The following DMRTA2 variants were observed in gnomAD, a reference collection of about 807,000 sequenced individuals.
DMRTA2 encodes the protein doublesex- and mab-3-related transcription factor A2.
Under a neutral mutation model 29.7 loss-of-function variants are expected in DMRTA2, and 10 were observed. That is an observed-to-expected ratio of 0.34 (90% confidence interval 0.21 to 0.57). DMRTA2 has a LOEUF of 0.57. Ranked by LOEUF, DMRTA2 falls within the 20% of genes least tolerant of loss-of-function variation. DMRTA2 has a pLI of 0.87. For missense variants in DMRTA2, 783 were observed against 812.1 expected (o/e 0.96, Z 0.44); for synonymous variants, 469 against 402.6 (o/e 1.16, Z -1.97).
Position 50,420,636 on chromosome 1 carries a change from C to A in DMRTA2, c.559+342G>T, listed in dbSNP as rs1425249380. 6.6e-6 allele frequency among the ~76,000 whole-genome samples: 1 copy of A among 151,992 alleles called. No individual in the cohort carries two copies. Among genetic ancestry groups the A allele is most frequent in the Non-Finnish European group, 1.5e-5 (1 of 68,010 alleles). ...CAGAGGGAAAGGGCCTGTGGAGAAGCGCAGAGCGAACGAAGATGCGCAGGT... is the reference window on the plus strand; with the variant it reads ...CAGAGGGAAAGGGCCTGTGGAGAAGAGCAGAGCGAACGAAGATGCGCAGGT... On this transcript the variant is annotated intron_variant, in intron 2 of 2. Coordinates refer to ENST00000404795, the MANE Select transcript of DMRTA2 (RefSeq NM_032110.3). The surrounding 1 kb of genome is among the most constrained non-coding windows in gnomAD (Gnocchi z 4.1).
Position 50,418,900 on chromosome 1 carries a change from G to C in DMRTA2, c.1394C>G (p.Pro465Arg). 6.9e-7 allele frequency: 1 copy of C among 1,457,184 alleles called. No individual in the cohort carries two copies. Among genetic ancestry groups the C allele is most frequent in the Non-Finnish European group, 9.0e-7 (1 of 1,111,802 alleles). 90.3% of individuals were successfully genotyped at this position (1,457,184 alleles called of 1,614,324 possible). A position where few individuals can be genotyped will look rare whatever the true frequency, so the allele number is the denominator to read the frequency against. ...CGCCGCGGAGTAGGCCAGGCGCAGG[G>C]GGCTGAGGCCGAGCGGCGCGCCCAG... ...YPLGAPLGLS[P>R]LRLAYSAAAA... is the part of the protein sequence containing the mutation. The change falls in exon 3 of 3, where the codon CCC (proline) becomes CGC (arginine). Residue 465 changes from proline (P) to arginine (R), a missense_variant. Transcript: ENST00000404795.
rs775970685 is a variant in DMRTA2, at chr1:50,418,841, G to A, written c.1453C>T (p.Pro485Ser). The change falls in exon 3 of 3, where the codon CCC becomes TCC. Residue 485 changes from proline (P) to serine (S), a missense_variant. By Grantham distance (74) the Pro-to-Ser change is moderately conservative (BLOSUM62 -1). Transcript: ENST00000404795. Reference sequence around the variant, plus strand: ...GGCACCAAGCCGGCAGTGGAGTAGGGCGCCATGAAGGCCAGACCGCGGCTG... The same window carrying A: ...GGCACCAAGCCGGCAGTGGAGTAGGACGCCATGAAGGCCAGACCGCGGCTG... ...AHSRGLAFMA[P>S]YSTAGLVPTL... 1.9e-6 allele frequency: 3 copies of A among 1,576,828 alleles called. No individual in the cohort carries two copies. Among genetic ancestry groups the A allele is most frequent in the Non-Finnish European group, 2.6e-6 (3 of 1,165,210 alleles).
At position 50,420,962 on chromosome 1, in the gene DMRTA2, C is replaced by T; in HGVS notation, c.559+16G>A. On this transcript the variant is annotated intron_variant, in intron 2 of 2. Coordinates refer to ENST00000404795, the MANE Select transcript of DMRTA2 (RefSeq NM_032110.3). This position sits in a 1 kb window ranked among gnomAD's most constrained non-coding sequence, Gnocchi z 4.1. ...CGATCCTGCTGCCCCTACCTGCGGC[C>T]TGGCCGCGCTCTCACCTGAGCCCCC... 3 of 1,444,446 alleles carry T rather than the reference C, an allele frequency of 2.1e-6. No homozygotes were observed. The highest frequency in any genetic ancestry group is 2.7e-6 in the Non-Finnish European group (3 of 1,108,656). 89.5% of individuals were successfully genotyped at this position (1,444,446 alleles called of 1,614,324 possible). A position where few individuals can be genotyped will look rare whatever the true frequency, so the allele number is the denominator to read the frequency against.
Position 50,419,802 on chromosome 1 carries a change from CT to C in DMRTA2, c.560-69del. Reference sequence around the variant, plus strand: ...AGACAGCAGTCACAGCACCTCGGCCCTTTGGATCTCAGTTTCCTCTCCCTCA... The same window carrying C: ...AGACAGCAGTCACAGCACCTCGGCCCTTGGATCTCAGTTTCCTCTCCCTCA... On this transcript the variant is annotated intron_variant, in intron 2 of 2. Transcript: ENST00000404795. This position sits in a 1 kb window ranked among gnomAD's most constrained non-coding sequence, Gnocchi z 6.1. 1 of 1,319,572 alleles carries C rather than the reference CT, an allele frequency of 7.6e-7. No homozygotes were observed. Among genetic ancestry groups the C allele is most frequent in the African/African-American group, 1.6e-5 (1 of 64,082 alleles). 81.7% of individuals were successfully genotyped at this position (1,319,572 alleles called of 1,614,324 possible). A position where few individuals can be genotyped will look rare whatever the true frequency, so the allele number is the denominator to read the frequency against.
Position 50,417,588 on chromosome 1 carries a change from T to C in DMRTA2, c.*1077A>G, listed in dbSNP as rs1046310985. On this transcript the variant is annotated 3_prime_UTR_variant, in exon 3 of 3. Transcript: ENST00000404795. Reference sequence around the variant, plus strand: ...AAATAACATTTATTTCTAGCTCATATCTATGCAAAGGAAAGCACAAAGTGC... The same window carrying C: ...AAATAACATTTATTTCTAGCTCATACCTATGCAAAGGAAAGCACAAAGTGC... 2.6e-5 allele frequency: 4 copies of C among 151,804 alleles called. No homozygotes were observed. The highest frequency in any genetic ancestry group is 9.7e-5 in the African/African-American group (4 of 41,346). 9.4% of individuals were successfully genotyped at this position (151,804 alleles called of 1,614,324 possible).
chr1:50,422,948 G>A lies in DMRTA2; in HGVS notation c.-9+168C>T, dbSNP rs1029395638. On this transcript the variant is annotated intron_variant, in intron 1 of 2. Coordinates refer to ENST00000404795, the MANE Select transcript of DMRTA2 (RefSeq NM_032110.3). This position sits in a 1 kb window ranked among gnomAD's most constrained non-coding sequence, Gnocchi z 5.7. ...CCCGTCCCTGCCAGAGCCCGCGACA[G>A]AGTCCTTGTGTCTCCGTCCGAGAGT... Among the ~76,000 whole-genome samples, 5 of 152,208 alleles carry A rather than the reference G, an allele frequency of 3.3e-5. No homozygotes were observed. Among genetic ancestry groups the A allele is most frequent in the East Asian group, 1.9e-4 (1 of 5,176 alleles).
Position 50,419,601 on chromosome 1 carries a change from TG to T in DMRTA2, c.692del (p.Pro231GlnfsTer22). 6.5e-7 allele frequency: 1 copy of T among 1,541,338 alleles called. No individual in the cohort carries two copies. Among genetic ancestry groups the T allele is most frequent in the African/African-American group, 1.4e-5 (1 of 70,888 alleles). On this transcript the variant is annotated frameshift_variant, in exon 3 of 3. Coordinates refer to ENST00000404795, the MANE Select transcript of DMRTA2 (RefSeq NM_032110.3). LOFTEE classifies it high-confidence loss of function. This position sits in a 1 kb window ranked among gnomAD's most constrained non-coding sequence, Gnocchi z 6.1. ...GADSGPGTSS[P>X]EVRPGSGSEN... ...CCGAGCCTGAGCCGGGCCGCACCTC[TG>T]GGGACGACGTCCCGGGCCCCGAGTC...
In DMRTA2 at chr1:50,421,443, C is replaced by G. The variant is rs1413939887; in HGVS notation, c.94G>C (p.Val32Leu). The G allele has an allele frequency of 7.6e-7, 1 of 1,323,614 alleles. No homozygotes were observed. The highest frequency in any genetic ancestry group is 9.6e-7 in the Non-Finnish European group (1 of 1,042,062). The allele number at this position is 1,323,614 out of a possible 1,614,324, so 82.0% of individuals were successfully genotyped here. A position where few individuals can be genotyped will look rare whatever the true frequency, so the allele number is the denominator to read the frequency against. ...TGPPVASVASVAAAAAAAASL... is the reference protein window; with the variant it reads ...TGPPVASVASLAAAAAAAASL... ...GCAGCGGCCGCCGCGGCTGCCGCCACCGACGCCACCGACGCCACAGGCGGC... is the reference window on the plus strand; with the variant it reads ...GCAGCGGCCGCCGCGGCTGCCGCCAGCGACGCCACCGACGCCACAGGCGGC... Residue 32 changes from valine (V) to leucine (L), a missense_variant, in exon 2 of 3, where the codon GTG becomes CTG. By Grantham distance (32) the Val-to-Leu change is conservative. Transcript: ENST00000404795. The surrounding 1 kb of genome is among the most constrained non-coding windows in gnomAD (Gnocchi z 8.7).
Position 50,418,938 on chromosome 1 carries a change from C to A in DMRTA2, c.1356G>T (p.Ala452=), listed in dbSNP as rs955313924. 2.1e-6 allele frequency: 3 copies of A among 1,438,186 alleles called. No homozygotes were observed. Among genetic ancestry groups the A allele is most frequent in the Admixed American group, 3.2e-5 (1 of 31,202 alleles). The allele number at this position is 1,438,186 out of a possible 1,614,324, so 89.1% of individuals were successfully genotyped here. A position where few individuals can be genotyped will look rare whatever the true frequency, so the allele number is the denominator to read the frequency against. ...GCGGCGCGCCCAGCGGGTAGGCGCC[C>A]GCGTCGGCACCGAAGTGACTGGCGT... is the stretch of plus-strand genomic sequence containing the variant. ...QPNASHFGAD[A]GAYPLGAPLG... is the part of the protein sequence containing the mutation. The change falls in exon 3 of 3, where the codon GCG becomes GCT. Residue 452 remains alanine (A), a synonymous_variant. Transcript: ENST00000404795.
Position 50,421,664 on chromosome 1 carries a change from G to A in DMRTA2, c.-8-120C>T. 8.8e-7 allele frequency: 1 copy of A among 1,138,448 alleles called. No individual in the cohort carries two copies. The highest frequency in any genetic ancestry group is 1.1e-6 in the Non-Finnish European group (1 of 913,420). 70.5% of individuals were successfully genotyped at this position (1,138,448 alleles called of 1,614,324 possible). The stretch of plus-strand genomic sequence containing the variant: ...GGGAAATTTGGGCCGCGGAGGCTGG[G>A]CTAGAGGGGCCAGAATTGCTGGGAG... On this transcript the variant is annotated intron_variant, in intron 1 of 2. Coordinates refer to ENST00000404795, the MANE Select transcript of DMRTA2 (RefSeq NM_032110.3). The surrounding 1 kb of genome is among the most constrained non-coding windows in gnomAD (Gnocchi z 8.7).
rs1236554293 is a variant in DMRTA2 at position 50,419,486 on chromosome 1, C to T, written c.808G>A (p.Gly270Ser). 1 of 1,595,564 alleles carries T rather than the reference C, an allele frequency of 6.3e-7. No homozygotes were observed. The highest frequency in any genetic ancestry group is 1.1e-5 in the South Asian group (1 of 89,222). ...GGGCTGTCCTCCTCGCCGCCGCCGC[C>T]AGGGCCAGCGCTGCCTGGGCAGCTG... ...GGSCPGSAGP[G>S]GGGEEDSPGS... Residue 270 changes from glycine to serine, a missense_variant, in exon 3 of 3, where the codon GGC becomes AGC. Coordinates refer to ENST00000404795, the MANE Select transcript of DMRTA2 (RefSeq NM_032110.3). The surrounding 1 kb of genome is among the most constrained non-coding windows in gnomAD (Gnocchi z 6.1).
Position 50,419,490 on chromosome 1 carries a change from G to T in DMRTA2, c.804C>A (p.Gly268=). Residue 268 remains glycine (G), a synonymous_variant, in exon 3 of 3, where the codon GGC becomes GGA. Coordinates refer to ENST00000404795, the MANE Select transcript of DMRTA2 (RefSeq NM_032110.3). This position sits in a 1 kb window ranked among gnomAD's most constrained non-coding sequence, Gnocchi z 6.1. Reference sequence around the variant, plus strand: ...TGTCCTCCTCGCCGCCGCCGCCAGGGCCAGCGCTGCCTGGGCAGCTGCCAC... The same window carrying T: ...TGTCCTCCTCGCCGCCGCCGCCAGGTCCAGCGCTGCCTGGGCAGCTGCCAC... ...EAGGSCPGSA[G]PGGGGEEDSP... 6.3e-7 allele frequency: 1 copy of T among 1,593,778 alleles called. No homozygotes were observed. The highest frequency in any genetic ancestry group is 8.5e-7 in the Non-Finnish European group (1 of 1,174,318).
In DMRTA2 at chr1:50,421,027, C is replaced by G. The variant is rs1034095866; in HGVS notation, c.510G>C (p.Ala170=). The change falls in exon 2 of 3, where the codon GCG becomes GCC. Residue 170 remains alanine, a synonymous_variant. Transcript: ENST00000404795. The surrounding 1 kb of genome is among the most constrained non-coding windows in gnomAD (Gnocchi z 8.7). ...CGCCTCCGGTCCCCGCGGGCGCTCC[C>G]GCTCCAGGTCCCCCGCCGTCGGCGG... ...VCAADGGGPG[A]GAPAGTGGGA... The G allele has an allele frequency of 6.6e-7, 1 of 1,509,216 alleles. No individual in the cohort carries two copies. Among genetic ancestry groups the G allele is most frequent in the Non-Finnish European group, 8.8e-7 (1 of 1,135,570 alleles). 93.5% of individuals were successfully genotyped at this position (1,509,216 alleles called of 1,614,324 possible).
In DMRTA2 at chr1:50,421,025, C is replaced by A. The variant is rs937605874; in HGVS notation, c.512G>T (p.Gly171Val). The change falls in exon 2 of 3, where the codon GGA becomes GTA. Residue 171 changes from glycine (G) to valine (V), a missense_variant. Gly to Val is a moderately radical substitution (Grantham distance 109). Around this residue, in one of 3 missense-constraint regions of DMRTA2, gnomAD observed 667 missense variants for 624.8 expected, o/e 1.07. Coordinates refer to ENST00000404795, the MANE Select transcript of DMRTA2 (RefSeq NM_032110.3). The surrounding 1 kb of genome is among the most constrained non-coding windows in gnomAD (Gnocchi z 8.7). ...CAADGGGPGA[G>V]APAGTGGGAA... The stretch of plus-strand genomic sequence containing the variant: ...TCCGCCTCCGGTCCCCGCGGGCGCT[C>A]CCGCTCCAGGTCCCCCGCCGTCGGC... The A allele has an allele frequency of 6.6e-7, 1 of 1,509,530 alleles. No homozygotes were observed. Among genetic ancestry groups the A allele is most frequent in the Non-Finnish European group, 8.8e-7 (1 of 1,135,732 alleles). The allele number at this position is 1,509,530 out of a possible 1,614,324, so 93.5% of individuals were successfully genotyped here.
In DMRTA2 at chr1:50,419,215, GCCGCCAGGC is replaced by G; in HGVS notation, c.1070_1078del (p.Gly357_Ala359del). 4.1e-6 allele frequency: 6 copies of G among 1,465,546 alleles called. No individual in the cohort carries two copies. The highest frequency in any genetic ancestry group is 5.4e-6 in the Non-Finnish European group (6 of 1,116,016). The allele number at this position is 1,465,546 out of a possible 1,614,324, so 90.8% of individuals were successfully genotyped here. ...TGGGGGCGCCGCAGGGCCCAGGCCGGCCGCCAGGCCCCCACGGTGGTGGTTCAGCACCTG... is the reference window on the plus strand; with the variant it reads ...TGGGGGCGCCGCAGGGCCCAGGCCGGCCCCACGGTGGTGGTTCAGCACCTG... On this transcript the variant is annotated inframe_deletion, in exon 3 of 3. Coordinates refer to ENST00000404795, the MANE Select transcript of DMRTA2 (RefSeq NM_032110.3). The surrounding 1 kb of genome is among the most constrained non-coding windows in gnomAD (Gnocchi z 6.1).
At position 50,422,576 on chromosome 1, in the gene DMRTA2, G is replaced by A. The variant is rs1572736041; in HGVS notation, c.-9+540C>T. ...CGCAGTCTGGAGTAGTAGTCGGGGC[G>A]GAAGACGTATCCTGCGAAAAGTTAG... is the stretch of plus-strand genomic sequence containing the variant. On this transcript the variant is annotated intron_variant, in intron 1 of 2. Coordinates refer to ENST00000404795, the MANE Select transcript of DMRTA2 (RefSeq NM_032110.3). The surrounding 1 kb of genome is among the most constrained non-coding windows in gnomAD (Gnocchi z 5.7). 2.0e-5 allele frequency among the ~76,000 whole-genome samples: 3 copies of A among 152,264 alleles called. 1 individual carries two copies. The highest frequency in any genetic ancestry group is 2.0e-4 in the Admixed American group (3 of 15,300).
In DMRTA2 at chr1:50,419,223, G is replaced by A; in HGVS notation, c.1071C>T (p.Gly357=). 1 of 1,490,996 alleles carries A rather than the reference G, an allele frequency of 6.7e-7. No homozygotes were observed. Among genetic ancestry groups the A allele is most frequent in the Non-Finnish European group, 8.9e-7 (1 of 1,128,474 alleles). The allele number at this position is 1,490,996 out of a possible 1,614,324, so 92.4% of individuals were successfully genotyped here. Residue 357 remains glycine (G), a synonymous_variant, in exon 3 of 3, where the codon GGC becomes GGT. Coordinates refer to ENST00000404795, the MANE Select transcript of DMRTA2 (RefSeq NM_032110.3). This position sits in a 1 kb window ranked among gnomAD's most constrained non-coding sequence, Gnocchi z 6.1. ...CCGCAGGGCCCAGGCCGGCCGCCAG[G>A]CCCCCACGGTGGTGGTTCAGCACCT... The part of the protein sequence containing the change: ...IEQVLNHHRG[G]LAAGLGPAAP...
In DMRTA2 at chr1:50,417,684, T is replaced by A. The variant is rs967682051; in HGVS notation, c.*981A>T. On this transcript the variant is annotated 3_prime_UTR_variant, in exon 3 of 3. Coordinates refer to ENST00000404795, the MANE Select transcript of DMRTA2 (RefSeq NM_032110.3). ...TTTGGCGAGTCCCGGGAGGCGAGGATGGGCCCGCGAGCGGGCGGTTCTGGC... is the reference window on the plus strand; with the variant it reads ...TTTGGCGAGTCCCGGGAGGCGAGGAAGGGCCCGCGAGCGGGCGGTTCTGGC... 1.3e-5 allele frequency: 2 copies of A among 152,240 alleles called. No homozygotes were observed. Among genetic ancestry groups the A allele is most frequent in the African/African-American group, 2.4e-5 (1 of 41,472 alleles). 9.4% of individuals were successfully genotyped at this position (152,240 alleles called of 1,614,324 possible).
chr1:50,421,319 C>T lies in DMRTA2; in HGVS notation c.218G>A (p.Cys73Tyr). The change falls in exon 2 of 3, where the codon TGT becomes TAT. Residue 73 changes from cysteine (C) to tyrosine (Y), a missense_variant. Cys to Tyr is a radical substitution (Grantham distance 194). Around this residue, in one of 3 missense-constraint regions of DMRTA2, gnomAD observed 76 missense variants for 152.6 expected, o/e 0.50. Coordinates refer to ENST00000404795, the MANE Select transcript of DMRTA2 (RefSeq NM_032110.3). The surrounding 1 kb of genome is among the most constrained non-coding windows in gnomAD (Gnocchi z 8.7). ...KYPRTPKCAR[C>Y]RNHGVVSALK... The stretch of plus-strand genomic sequence containing the variant: ...GGCCGACACCACGCCATGGTTGCGA[C>T]AGCGCGCGCACTTGGGGGTCCGCGG... 6.5e-7 allele frequency: 1 copy of T among 1,530,232 alleles called. No individual in the cohort carries two copies. The highest frequency in any genetic ancestry group is 8.8e-7 in the Non-Finnish European group (1 of 1,138,320). The allele number at this position is 1,530,232 out of a possible 1,614,324, so 94.8% of individuals were successfully genotyped here.
Sources: gnomAD v4.1 joint callset for allele counts (sites outside exome capture counted in the v4.1 genomes callset) on GRCh38, gnomAD v4.1.1 for gene constraint, gnomAD v4.1.1 regional missense constraint, Gnocchi (gnomAD v3.1) non-coding constraint, MANE v1.5 for transcripts, NCBI Gene and HGNC (gene_info 2026-07-23, HGNC 2026-07-21) for gene names.